Variants in DGKZ observed in about 807,000 individuals in gnomAD.
DGKZ encodes the protein diacylglycerol kinase zeta, also known as DAG kinase zeta.
A neutral mutation model predicts 142.5 loss-of-function variants in DGKZ; 45 were observed. The ratio of observed to expected loss-of-function variants is 0.32; its 90% CI spans 0.25 to 0.40. The LOEUF (loss-of-function observed/expected upper bound fraction) is 0.40. Ranked by LOEUF, DGKZ falls within the 10% of genes least tolerant of loss-of-function variation. The pLI is 1.00. For synonymous variants in DGKZ, 442 were observed against 527.0 expected, an observed-to-expected ratio of 0.84 and a Z score of 2.21; for missense variants, 755 against 1,306.5, an observed-to-expected ratio of 0.58 and a Z score of 6.51.
chr11:46,338,267 C>G (rs1940105187), intron 1 of DGKZ, among the ~76,000 whole-genome samples: 1 of 152,074 alleles, frequency 6.6e-6, no homozygotes, highest in African/African-American at 2.4e-5. Context: ...GAGGCTGAGG[C>G]AGGTGGATCA....
upstream of DGKZ, chr11:46,345,163 C>A: frequency 1.2e-6 from 1 of 854,446 alleles, no homozygotes; most frequent in Non-Finnish European, 1.6e-6. The surrounding 1 kb of genome is among the most constrained non-coding windows in gnomAD (Gnocchi z 4.1). Flanking sequence ...AGACAGGAGC[C>A]CAGGTGCAGA....
rs1322238558 is a variant in DGKZ, at chr11:46,376,165, C to T, written c.2091+20C>T. ...CAGCAGGTAAGGGGTGGGGGCTTCC[C>T]CAGGTGCCCACCGAGAGGGTGGTGG... is the stretch of plus-strand genomic sequence containing the variant. On this transcript the variant is annotated intron_variant, in intron 22 of 30. Coordinates refer to ENST00000527911, the Ensembl canonical transcript of DGKZ. 1 of 1,604,874 alleles carries T rather than the reference C, an allele frequency of 6.2e-7. No individual in the cohort carries two copies. The highest frequency in any genetic ancestry group is 2.2e-5 in the East Asian group (1 of 44,512).
chr11:46,339,053 G>A lies in DGKZ; in HGVS notation c.212+5566G>A, dbSNP rs116890312. 5.2e-4 allele frequency among the ~76,000 whole-genome samples: 79 copies of A among 152,268 alleles called. 1 individual carries two copies. In the East Asian group the frequency reaches 0.014, roughly 27 times the overall value. ...ACTAAAAGCAAGGCTGAGCATGCGC[G>A]CATGTCCCAGCCTACGGTCCTCCCC... On this transcript the variant is annotated intron_variant, in intron 1 of 30. Transcript: ENST00000343674.
At chr11:46,353,117 G>A (rs948358654) in intron 1 of DGKZ, among the ~76,000 whole-genome samples, 1 of 152,210 alleles carries the variant, frequency 6.6e-6, no homozygotes, top group Non-Finnish European at 1.5e-5. Flanking sequence ...ACAGCTGCCA[G>A]AAGCTTGTAA....
intron 1 of DGKZ, among the ~76,000 whole-genome samples, chr11:46,352,097 C>A (rs1325060071): frequency 6.6e-6 from 1 of 152,174 alleles, no homozygotes; most frequent in Non-Finnish European, 1.5e-5. Context: ...TCCTCGGCTC[C>A]CTGGAGGCCT....
At chr11:46,366,709 G>A (rs1302044564) in intron 1 of DGKZ, 9 of 1,559,908 alleles carry the variant, frequency 5.8e-6, no homozygotes, top group South Asian at 1.2e-5. Context: ...GCGCCCAGCC[G>A]CTGTTGCCCC....
chr11:46,364,361 CAT>C (rs902738175), intron 1 of DGKZ: 1 of 1,288,758 alleles, frequency 7.8e-7, no homozygotes, highest in Non-Finnish European at 1.0e-6. Flanking sequence ...GTGCCTGACA[CAT>C]AGGGGCTCAG....
exon 1 of DGKZ, chr11:46,333,066 G>C: frequency 2.6e-6 from 1 of 379,176 alleles, no homozygotes; most frequent in Middle Eastern, 7.1e-4. Context: ...CCCCCCCGGA[G>C]CGCAGGAGGA....
chr11:46,361,502 G>A (rs1415321171), intron 1 of DGKZ: 15 of 440,408 alleles, frequency 3.4e-5, no homozygotes, highest in Middle Eastern at 1.1e-3. Flanking sequence ...GAGGAAGTGC[G>A]TTCAGTTACC....
rs533876104 is a variant in DGKZ at position 46,373,335 on chromosome 11, G to A, written c.1326+234G>A. 1.3e-4 allele frequency among the ~76,000 whole-genome samples: 18 copies of A among 135,784 alleles called. 1 individual carries two copies. In the South Asian group the frequency reaches 4.1e-3, roughly 31 times the overall value. 89.1% of individuals were successfully genotyped at this position (135,784 alleles called of 152,430 possible). A position where few individuals can be genotyped will look rare whatever the true frequency, so the allele number is the denominator to read the frequency against. On this transcript the variant is annotated intron_variant, in intron 14 of 30. Transcript: ENST00000527911. ...TGAGTCTCGCTCTGTTACCCAGGCT[G>A]GAGTGCAGTGGCGCAATCCCAGCTC...
In DGKZ at chr11:46,375,858, C is replaced by T. The variant is rs1157641665; in HGVS notation, c.1918C>T (p.Pro640Ser). The stretch of plus-strand genomic sequence containing the variant: ...GCCGGCCCTGCCCGACAGCCAGCAG[C>T]CGGTGCCAGAGCAGTTGCGCATCCA... Residue 640 changes from proline (P) to serine (S), a missense_variant, in exon 21 of 31, where the codon CCG becomes TCG. Physicochemically the swap from Pro to Ser is moderately conservative, Grantham distance 74. Around this residue, in one of 8 missense-constraint regions of DGKZ, gnomAD observed 114 missense variants for 180.9 expected, o/e 0.63. Transcript: ENST00000527911. 3 of 1,561,154 alleles carry T rather than the reference C, an allele frequency of 1.9e-6. No homozygotes were observed. In the Admixed American group the frequency reaches 5.7e-5, roughly 30 times the overall value.
rs1417559422 is a variant in DGKZ at position 46,366,573 on chromosome 11, C to T, written c.162-718C>T. The T allele has an allele frequency of 6.2e-6, 10 of 1,605,906 alleles. No individual in the cohort carries two copies. In the South Asian group the frequency reaches 1.0e-4, roughly 16 times the overall value. On this transcript the variant is annotated intron_variant, in intron 1 of 30. Transcript: ENST00000527911. ...ACCGTGGGGGCCCAGCTTCTGGGTGCACCCCTGCTGTTGACCGGGCTTGTG... is the reference window on the plus strand; with the variant it reads ...ACCGTGGGGGCCCAGCTTCTGGGTGTACCCCTGCTGTTGACCGGGCTTGTG...
intron 30 of DGKZ, 49 bp downstream of exon 30, chr11:46,379,617 T>A: frequency 6.6e-7 from 1 of 1,514,156 alleles, no homozygotes; most frequent in Non-Finnish European, 9.0e-7. Flanking sequence ...ACCAAACCTT[T>A]CCCAAGGTCC....
At chr11:46,339,851 A>G (rs994683969) in intron 1 of DGKZ, among the ~76,000 whole-genome samples, 1 of 152,234 alleles carries the variant, frequency 6.6e-6, no homozygotes, top group Non-Finnish European at 1.5e-5. Flanking sequence ...CCAGGGTGCC[A>G]GGGACAAGGG....
chr11:46,366,391 A>T, intron 1 of DGKZ: 1 of 1,524,896 alleles, frequency 6.6e-7, no homozygotes, highest in Non-Finnish European at 8.8e-7. Flanking sequence ...CCTCCTCCTC[A>T]CTGGCACAGC....
intron 1 of DGKZ, among the ~76,000 whole-genome samples, chr11:46,353,741 C>A (rs1941681254): frequency 6.6e-6 from 1 of 152,104 alleles, no homozygotes; most frequent in Admixed American, 6.5e-5. Flanking sequence ...AGGGAGGGCC[C>A]CAGCATCCTC....
At chr11:46,369,882 CT>C in intron 5 of DGKZ, 58 bp from the exon 6 acceptor site, 2 of 1,584,094 alleles carry the variant, frequency 1.3e-6, no homozygotes, top group Admixed American at 3.3e-5. Flanking sequence ...GTGGGCAGTC[CT>C]CAGGACTGTG....
chr11:46,366,531 T>C lies in DGKZ; in HGVS notation c.162-760T>C, dbSNP rs920246071. 4.4e-6 allele frequency: 7 copies of C among 1,596,974 alleles called. No individual in the cohort carries two copies. In the African/African-American group the frequency reaches 6.7e-5, roughly 15 times the overall value. On this transcript the variant is annotated intron_variant, in intron 1 of 30. Coordinates refer to ENST00000527911, the Ensembl canonical transcript of DGKZ. Reference sequence around the variant, plus strand: ...CCCCGCTTCATCGTGGATAAGGTGCTCACTCCACAGCCTACCACCGTGGGG... The same window carrying C: ...CCCCGCTTCATCGTGGATAAGGTGCCCACTCCACAGCCTACCACCGTGGGG...
intron 1 of DGKZ, among the ~76,000 whole-genome samples, chr11:46,349,961 C>T (rs533132426): frequency 2.6e-5 from 4 of 152,254 alleles, no homozygotes; most frequent in African/African-American, 7.2e-5. Context: ...TTGAAGCTTC[C>T]CAGGTGATTC....
Sources: gnomAD v4.1 joint callset for allele counts (sites outside exome capture counted in the v4.1 genomes callset) on GRCh38, gnomAD v4.1.1 for gene constraint, gnomAD v4.1.1 regional missense constraint, Gnocchi (gnomAD v3.1) non-coding constraint, MANE v1.5 for transcripts, NCBI Gene and HGNC (gene_info 2026-07-23, HGNC 2026-07-21) for gene names.